The following AGBL1 variants were observed in gnomAD, a reference collection of about 807,000 sequenced individuals.
AGBL1 encodes the protein cytosolic carboxypeptidase 4.
Under a neutral mutation model 118.9 loss-of-function variants are expected in AGBL1, and 130 were observed. The observed-to-expected ratio is 1.09, with a 90% CI of 0.95 to 1.26. The LOEUF is 1.26. Ranked by LOEUF, AGBL1 falls within the 50% of genes most tolerant of loss-of-function variation. The pLI, the probability that AGBL1 is intolerant of heterozygous loss-of-function variation, is 0.00. For synonymous variants in AGBL1, 555 were observed against 478.9 expected, an observed-to-expected ratio of 1.16 and a Z score of -2.08; for missense variants, 1,584 against 1,298.1, an observed-to-expected ratio of 1.22 and a Z score of -3.38.
At chr15:86,695,278 A>G (rs2086237249) in intron 22 of AGBL1, among the ~76,000 whole-genome samples, 1 of 151,928 alleles carries the variant, frequency 6.6e-6, no homozygotes, top group Admixed American at 6.6e-5. Context: ...GCTGCTTGTT[A>G]TTGGTCTGTT....
intron 22 of AGBL1, among the ~76,000 whole-genome samples, chr15:86,825,152 G>T (rs1169473989): frequency 2.0e-5 from 3 of 151,892 alleles, no homozygotes; most frequent in African/African-American, 7.2e-5. Flanking sequence ...AAAAGCAGTT[G>T]AAGGGAGGAA....
At position 86,546,949 on chromosome 15, in the gene AGBL1, G is replaced by A. The variant is rs193247802; in HGVS notation, c.2817+816G>A. 4.8e-4 allele frequency among the ~76,000 whole-genome samples: 73 copies of A among 152,240 alleles called. No individual in the cohort carries two copies. In the East Asian group the frequency reaches 0.014, roughly 29 times the overall value. ...TTATTCTGGGTATGCAATTTACTAT[G>A]TGCAAAATAGCTTCATCCCCAGGGT... On this transcript the variant is annotated intron_variant, in intron 20 of 22. Transcript: ENST00000614907.
chr15:86,405,490 G>C (rs1397353301), intron 18 of AGBL1, among the ~76,000 whole-genome samples: 2 of 151,806 alleles, frequency 1.3e-5, no homozygotes, highest in Admixed American at 6.6e-5. Flanking sequence ...CTGGGCAACA[G>C]AGTGAGACTC....
In AGBL1 at chr15:86,352,962, A is replaced by G. The variant is rs554618695; in HGVS notation, c.2375-44404A>G. 1.2e-3 allele frequency among the ~76,000 whole-genome samples: 189 copies of G among 152,368 alleles called. 1 individual carries two copies. The highest frequency in any genetic ancestry group is 2.7e-3 in the East Asian group (14 of 5,188). On this transcript the variant is annotated intron_variant, in intron 17 of 22. Transcript: ENST00000614907. Reference sequence around the variant, plus strand: ...CTTTGGATTGTGTTCTACATGTCAGAAAAAATAAAAAGTTTTTGTTTCAAT... The same window carrying G: ...CTTTGGATTGTGTTCTACATGTCAGGAAAAATAAAAAGTTTTTGTTTCAAT...
intron 22 of AGBL1, among the ~76,000 whole-genome samples, chr15:86,794,459 G>A (rs1412174239): frequency 3.3e-5 from 5 of 152,134 alleles, no homozygotes; most frequent in African/African-American, 7.2e-5. Context: ...AAGAGGCAAT[G>A]GGGAGTGATT....
intron 1 of AGBL1, among the ~76,000 whole-genome samples, chr15:86,109,022 C>T (rs1223216900): frequency 6.6e-6 from 1 of 152,100 alleles, no homozygotes; most frequent in East Asian, 1.9e-4. Context: ...GAATATCTAT[C>T]ATATTTAAGG....
At chr15:86,344,659 G>A (rs1443564128) in intron 17 of AGBL1, among the ~76,000 whole-genome samples, 1 of 151,776 alleles carries the variant, frequency 6.6e-6, no homozygotes, top group Non-Finnish European at 1.5e-5. Context: ...GCATCTCTGG[G>A]TATGCATTTT....
rs184493223 is a variant in AGBL1 at position 86,133,003 on chromosome 15, C to A, written c.52-9001C>A. ...ATTTTATTGAGCGTTTAGTGTGACCCAGGCAGTAAGCTAAACATTCCTACA... is the reference window on the plus strand; with the variant it reads ...ATTTTATTGAGCGTTTAGTGTGACCAAGGCAGTAAGCTAAACATTCCTACA... On this transcript the variant is annotated intron_variant, in intron 1 of 22. Coordinates refer to ENST00000614907, the MANE Select transcript of AGBL1 (RefSeq NM_001386094.1). 9.7e-4 allele frequency among the ~76,000 whole-genome samples: 148 copies of A among 152,254 alleles called. 1 individual carries two copies. In the Middle Eastern group the frequency reaches 0.014, roughly 14 times the overall value.
intron 24 of AGBL1, among the ~76,000 whole-genome samples, chr15:87,007,764 T>C (rs1207240295): frequency 6.6e-6 from 1 of 152,188 alleles, no homozygotes; most frequent in African/African-American, 2.4e-5. Context: ...ACTCTACAGA[T>C]TACCTCTGTG....
At chr15:87,021,110 C>A (rs886645356) in intron 24 of AGBL1, among the ~76,000 whole-genome samples, 1 of 152,008 alleles carries the variant, frequency 6.6e-6, no homozygotes, top group African/African-American at 2.4e-5. Flanking sequence ...TGCTACAAAC[C>A]AAACAGTAAC....
At chr15:86,905,462 G>T (rs1278422975) in intron 22 of AGBL1, among the ~76,000 whole-genome samples, 1 of 152,206 alleles carries the variant, frequency 6.6e-6, no homozygotes, top group African/African-American at 2.4e-5. Flanking sequence ...AGTTATTGCA[G>T]TAACCCAGGT....
chr15:86,501,105 C>A (rs564815321), intron 18 of AGBL1, among the ~76,000 whole-genome samples: 1 of 150,178 alleles, frequency 6.7e-6, no homozygotes, highest in South Asian at 2.1e-4. Context: ...TTCAAAGTGG[C>A]TGAACCACTT....
At chr15:86,211,264 G>A (rs1454556635) in intron 5 of AGBL1, among the ~76,000 whole-genome samples, 2 of 152,212 alleles carry the variant, frequency 1.3e-5, no homozygotes, top group African/African-American at 2.4e-5. Flanking sequence ...CCTACTGGGA[G>A]GTGTCTCCCA....
At chr15:86,419,899 A>G (rs949615855) in intron 18 of AGBL1, among the ~76,000 whole-genome samples, 3 of 152,194 alleles carry the variant, frequency 2.0e-5, no homozygotes, top group Admixed American at 2.0e-4. Flanking sequence ...TGCTGTAGCC[A>G]GACTGCCTCT....
At chr15:86,435,993 C>T (rs1233448015) in intron 18 of AGBL1, among the ~76,000 whole-genome samples, 1 of 151,934 alleles carries the variant, frequency 6.6e-6, no homozygotes, top group Non-Finnish European at 1.5e-5. Flanking sequence ...GTTCATTAGT[C>T]CAAGGAATAT....
At chr15:86,139,353 A>G (rs536163790) in intron 1 of AGBL1, among the ~76,000 whole-genome samples, 1 of 152,302 alleles carries the variant, frequency 6.6e-6, no homozygotes, top group African/African-American at 2.4e-5. Context: ...GAGATCCCTT[A>G]GAGTTTTTTC....
At position 86,529,993 on chromosome 15, in the gene AGBL1, G is replaced by A. The variant is rs1178467668; in HGVS notation, c.2685+7054G>A. ...TGGAAAGGAACAACCGGTACCAGCCGCTGCAAAATCATGCCAAAATGTAAA... is the reference window on the plus strand; with the variant it reads ...TGGAAAGGAACAACCGGTACCAGCCACTGCAAAATCATGCCAAAATGTAAA... On this transcript the variant is annotated intron_variant, in intron 19 of 22. Transcript: ENST00000614907. Among the ~76,000 whole-genome samples, 187 of 135,834 alleles carry A rather than the reference G, an allele frequency of 1.4e-3. 1 individual carries two copies. Among genetic ancestry groups the A allele is most frequent in the Middle Eastern group, 6.9e-3 (2 of 288 alleles). The allele number at this position is 135,834 out of a possible 152,430, so 89.1% of individuals were successfully genotyped here. A position where few individuals can be genotyped will look rare whatever the true frequency, so the allele number is the denominator to read the frequency against.
intron 22 of AGBL1, among the ~76,000 whole-genome samples, chr15:86,765,666 A>G (rs1370159807): frequency 2.0e-5 from 3 of 152,008 alleles, no homozygotes; most frequent in African/African-American, 4.8e-5. Context: ...CTGTTGAAGT[A>G]TCTTGAGGTG....
chr15:86,196,879 G>GCGCGCGCGCACACACACACACA (rs756313941), intron 5 of AGBL1, among the ~76,000 whole-genome samples: 5 of 116,960 alleles, frequency 4.3e-5, no homozygotes, highest in African/African-American at 1.8e-4. Flanking sequence ...GCGCGCGCGC[G>GCGCGCGCGCACACACACACACA]CACACACACA....
Sources: allele counts gnomAD v4.1 joint callset (sites outside exome capture counted in the v4.1 genomes callset), GRCh38; gene constraint gnomAD v4.1.1; transcripts MANE v1.5; gene names NCBI Gene and HGNC (gene_info 2026-07-23, HGNC 2026-07-21).